Variants in ROBO2 observed in about 807,000 individuals in gnomAD.
ROBO2 encodes the protein roundabout guidance receptor 2.
In ROBO2, 53 loss-of-function variants were observed where a neutral mutation model predicts 160.8. The ratio of observed to expected loss-of-function variants is 0.33; its 90% CI spans 0.26 to 0.41. The LOEUF is 0.41. ROBO2 is among the 10% of genes least tolerant of loss of function. The pLI, the probability that ROBO2 is intolerant of heterozygous loss-of-function variation, is 1.00. For missense variants in ROBO2, 1,577 were observed against 1,722.4 expected, an observed-to-expected ratio of 0.92 and a Z score of 1.49; for synonymous variants, 664 against 611.7, an observed-to-expected ratio of 1.09 and a Z score of -1.26.
intron 2 of ROBO2, among the ~76,000 whole-genome samples, chr3:76,596,726 G>C (rs558416499): frequency 6.6e-6 from 1 of 152,042 alleles, no homozygotes; most frequent in Non-Finnish European, 1.5e-5. Context: ...CCTGGATTAA[G>C]TGGTCTACTT....
At chr3:76,632,610 C>G (rs1053636525) in intron 2 of ROBO2, among the ~76,000 whole-genome samples, 1 of 152,172 alleles carries the variant, frequency 6.6e-6, no homozygotes, top group East Asian at 1.9e-4. Flanking sequence ...AAGATTCATA[C>G]TGTCACATTA....
rs1198364452 is a variant in ROBO2, at chr3:76,830,470, TATC to T, written c.110-267540_110-267538del. Among the ~76,000 whole-genome samples, 3 of 152,276 alleles carry T rather than the reference TATC, an allele frequency of 2.0e-5. No homozygotes were observed. The East Asian group carries it at 5.8e-4, about 29-fold the overall frequency. ...TACCCTTTCCAATGCAAATATCTAATATCATCCCCTACTCAAAAAAAATTTGAC... is the reference window on the plus strand; with the variant it reads ...TACCCTTTCCAATGCAAATATCTAATATCCCCTACTCAAAAAAAATTTGAC... On this transcript the variant is annotated intron_variant, in intron 2 of 26. Coordinates refer to the ROBO2 transcript ENST00000487694.
chr3:77,521,491 G>A (rs2090592907), intron 5 of ROBO2, among the ~76,000 whole-genome samples: 1 of 151,182 alleles, frequency 6.6e-6, no homozygotes, highest in Admixed American at 6.6e-5. Flanking sequence ...GGTAATGGAT[G>A]GCTTCACAAT....
intron 2 of ROBO2, among the ~76,000 whole-genome samples, chr3:76,446,869 A>G (rs2077208919): frequency 6.6e-6 from 1 of 152,186 alleles, no homozygotes; most frequent in African/African-American, 2.4e-5. Context: ...TCCCTTCCTT[A>G]CACCTTATAC....
chr3:76,617,126 G>C (rs2088647907), intron 2 of ROBO2, among the ~76,000 whole-genome samples: 1 of 152,054 alleles, frequency 6.6e-6, no homozygotes, highest in African/African-American at 2.4e-5. Context: ...GAACTAACTA[G>C]CGTGGTCCAA....
At chr3:76,417,568 T>C (rs1171672225) in intron 2 of ROBO2, among the ~76,000 whole-genome samples, 2 of 151,976 alleles carry the variant, frequency 1.3e-5, no homozygotes, top group African/African-American at 4.8e-5. Context: ...TTAGCCTAAA[T>C]GGCATGAAAA....
intron 24 of ROBO2, among the ~76,000 whole-genome samples, chr3:77,639,768 A>ATG (rs753104191): frequency 2.6e-5 from 4 of 151,796 alleles, no homozygotes; most frequent in African/African-American, 9.7e-5. Context: ...GTGTGCATGC[A>ATG]TGTGTGTGTG....
At chr3:77,489,302 G>C (rs944267814) in intron 4 of ROBO2, among the ~76,000 whole-genome samples, 5 of 152,130 alleles carry the variant, frequency 3.3e-5, no homozygotes, top group Non-Finnish European at 7.4e-5. Flanking sequence ...ATGAGCCAAT[G>C]TCAGACTTCC....
chr3:75,957,845 T>A (rs1162049138), intron 2 of ROBO2, among the ~76,000 whole-genome samples: 2 of 151,674 alleles, frequency 1.3e-5, no homozygotes, highest in Non-Finnish European at 3.0e-5. Flanking sequence ...TTACCTTTCT[T>A]GTCAAATTGC....
chr3:76,274,128 T>C (rs906797920), intron 2 of ROBO2, among the ~76,000 whole-genome samples: 1 of 152,186 alleles, frequency 6.6e-6, no homozygotes, highest in East Asian at 1.9e-4. Flanking sequence ...TTAAATGTTA[T>C]CGTGAGTTTT....
intron 2 of ROBO2, among the ~76,000 whole-genome samples, chr3:77,266,161 C>T (rs1424206151): frequency 6.6e-6 from 1 of 151,654 alleles, no homozygotes; most frequent in Admixed American, 6.6e-5. Flanking sequence ...AAAAAACTTT[C>T]GCTTTTCCCC....
chr3:77,133,957 A>G (rs1305501706), intron 2 of ROBO2, among the ~76,000 whole-genome samples: 4 of 152,168 alleles, frequency 2.6e-5, no homozygotes, highest in Non-Finnish European at 4.4e-5. Context: ...ATTTCCCAAA[A>G]TTGTATCATA....
intron 2 of ROBO2, among the ~76,000 whole-genome samples, chr3:76,246,215 C>T (rs552683942): frequency 6.6e-6 from 1 of 151,956 alleles, no homozygotes; most frequent in South Asian, 2.1e-4. Context: ...ACAAGAGTAA[C>T]TCTTTGAACA....
intron 1 of ROBO2, among the ~76,000 whole-genome samples, chr3:77,067,891 C>T (rs752951604): frequency 2.6e-5 from 4 of 152,022 alleles, no homozygotes; most frequent in African/African-American, 4.8e-5. Context: ...GAACTTTTTT[C>T]TTTTTTATTT....
intron 2 of ROBO2, among the ~76,000 whole-genome samples, chr3:76,492,090 C>T (rs1239177592): frequency 6.6e-6 from 1 of 152,028 alleles, no homozygotes; most frequent in Non-Finnish European, 1.5e-5. Context: ...GCACTCCAGC[C>T]TGGGCGACAG....
chr3:77,622,544 C>T lies in ROBO2; in HGVS notation c.3760+112C>T, dbSNP rs113615800. The T allele has an allele frequency of 0.02, 18,662 of 912,592 alleles. 367 individuals carry two copies. Among genetic ancestry groups the T allele is most frequent in the African/African-American group, 0.084 (5,072 of 60,658 alleles). The allele number at this position is 912,592 out of a possible 1,614,324, so 56.5% of individuals were successfully genotyped here. On this transcript the variant is annotated intron_variant, in intron 23 of 25. Transcript: ENST00000461745. ...TATTCCACTCCATCTATTTCTGTAA[C>T]ATTTTAAATGTGTTAATATTAAATA...
chr3:76,428,110 G>A (rs2076291239), intron 2 of ROBO2, among the ~76,000 whole-genome samples: 1 of 152,042 alleles, frequency 6.6e-6, no homozygotes, highest in Admixed American at 6.6e-5. Context: ...GAACCAGGTG[G>A]TATTTCTGCT....
chr3:76,365,628 C>T, intron 2 of ROBO2, among the ~76,000 whole-genome samples: 1 of 151,986 alleles, frequency 6.6e-6, no homozygotes, highest in Non-Finnish European at 1.5e-5. Flanking sequence ...TTGAGAAATG[C>T]TGATTTTCAT....
intron 2 of ROBO2, among the ~76,000 whole-genome samples, chr3:76,898,502 C>T (rs1008068926): frequency 5.9e-5 from 9 of 152,062 alleles, no homozygotes; most frequent in Admixed American, 2.0e-4. Context: ...CATCTAATTG[C>T]GATATTTGTA....
Sources: allele counts gnomAD v4.1 joint callset (sites outside exome capture counted in the v4.1 genomes callset), GRCh38; gene constraint gnomAD v4.1.1; transcripts MANE v1.5; gene names NCBI Gene and HGNC (gene_info 2026-07-23, HGNC 2026-07-21).